HS6ST3: variants seen among roughly 807,000 people sequenced by gnomAD.
HS6ST3 encodes heparan sulfate 6-O-sulfotransferase 3.
HS6ST3 carries 12 observed loss-of-function variants against 36.7 expected under a neutral mutation model. The observed-to-expected ratio is 0.33, with a 90% CI of 0.21 to 0.53. The LOEUF (loss-of-function observed/expected upper bound fraction) is 0.53, where lower values mean the gene tolerates loss of function less well. HS6ST3 is among the 20% of genes least tolerant of loss of function. HS6ST3 has a pLI of 0.95. For missense variants in HS6ST3, 584 were observed against 640.9 expected (o/e 0.91, Z 0.96); for synonymous variants, 240 against 257.5 (o/e 0.93, Z 0.65).
chr13:96,367,955 A>G (rs1440596089), intron 1 of HS6ST3, among the ~76,000 whole-genome samples: 2 of 152,100 alleles, frequency 1.3e-5, no homozygotes, highest in African/African-American at 4.8e-5. Context: ...TCATTTCATG[A>G]TGTTTATGGT....
intron 1 of HS6ST3, among the ~76,000 whole-genome samples, chr13:96,608,781 A>G (rs1043366034): frequency 1.4e-4 from 22 of 152,258 alleles, no homozygotes; most frequent in African/African-American, 5.3e-4. Flanking sequence ...TATTATAAAA[A>G]TGAGGAGAAT....
chr13:96,491,853 G>A (rs1282747288), intron 1 of HS6ST3, among the ~76,000 whole-genome samples: 1 of 151,954 alleles, frequency 6.6e-6, no homozygotes. Context: ...GATGTGCCTC[G>A]AAGATCTCCC....
At chr13:96,306,861 T>C (rs1021105467) in intron 1 of HS6ST3, among the ~76,000 whole-genome samples, 18 of 152,208 alleles carry the variant, frequency 1.2e-4, no homozygotes, top group African/African-American at 4.1e-4. Flanking sequence ...AGCTGGACTT[T>C]AATAAATAAT....
chr13:96,273,613 C>G (rs2054731805), intron 1 of HS6ST3, among the ~76,000 whole-genome samples: 1 of 150,554 alleles, frequency 6.6e-6, no homozygotes, highest in Non-Finnish European at 1.5e-5. Flanking sequence ...TGCATAACCT[C>G]TTTAGACTGA....
intron 1 of HS6ST3, 91 bp from the exon 2 acceptor site, chr13:96,832,399 C>A: frequency 1.1e-6 from 1 of 939,220 alleles, no homozygotes; most frequent in Non-Finnish European, 1.6e-6. Flanking sequence ...CAAAGAGTCC[C>A]TTGACTCAAT....
intron 1 of HS6ST3, among the ~76,000 whole-genome samples, chr13:96,513,525 G>C (rs1406673076): frequency 6.6e-6 from 1 of 152,000 alleles, no homozygotes; most frequent in African/African-American, 2.4e-5. Flanking sequence ...GTTTTTATAA[G>C]TTTGTATTTA....
intron 1 of HS6ST3, among the ~76,000 whole-genome samples, chr13:96,295,646 G>T (rs1336364690): frequency 2.0e-5 from 3 of 152,056 alleles, no homozygotes; most frequent in African/African-American, 7.2e-5. Context: ...GCTCCCGTGT[G>T]TCTTATTAAA....
intron 1 of HS6ST3, among the ~76,000 whole-genome samples, chr13:96,425,415 G>A (rs1165475779): frequency 6.6e-6 from 1 of 152,018 alleles, no homozygotes; most frequent in East Asian, 1.9e-4. Context: ...GCTTTTCAAA[G>A]ATAAAATGTT....
chr13:96,559,558 A>G (rs2056254291), intron 1 of HS6ST3, among the ~76,000 whole-genome samples: 1 of 152,194 alleles, frequency 6.6e-6, no homozygotes, highest in Non-Finnish European at 1.5e-5. Flanking sequence ...AGATATGTGT[A>G]GATTATATCT....
chr13:96,455,220 G>T (rs11069241), intron 1 of HS6ST3, among the ~76,000 whole-genome samples: 47,999 of 151,910 alleles, frequency 0.32, 9,373 homozygotes, highest in Non-Finnish European at 0.44. Flanking sequence ...CACTACAAGG[G>T]GTTGTTGTTG....
intron 1 of HS6ST3, among the ~76,000 whole-genome samples, chr13:96,405,407 G>C (rs1316963732): frequency 6.6e-6 from 1 of 152,066 alleles, no homozygotes; most frequent in African/African-American, 2.4e-5. Context: ...GTATTACCAT[G>C]TTTGGTCATG....
intron 1 of HS6ST3, among the ~76,000 whole-genome samples, chr13:96,249,553 A>G (rs2054598532): frequency 2.6e-5 from 4 of 152,182 alleles, no homozygotes; most frequent in Admixed American, 6.6e-5. Context: ...AGGACAGGGT[A>G]GTTTGCTAGT....
intron 1 of HS6ST3, among the ~76,000 whole-genome samples, chr13:96,190,801 G>T (rs1223968855): frequency 6.6e-6 from 1 of 152,172 alleles, no homozygotes; most frequent in Non-Finnish European, 1.5e-5. Flanking sequence ...GACCTGAATG[G>T]AAAGGAGAAA....
At chr13:96,602,059 G>A (rs993909912) in intron 1 of HS6ST3, among the ~76,000 whole-genome samples, 8 of 152,068 alleles carry the variant, frequency 5.3e-5, no homozygotes, top group East Asian at 1.9e-4. Context: ...TTTAAACTGC[G>A]TTAAACAGGT....
intron 1 of HS6ST3, among the ~76,000 whole-genome samples, chr13:96,498,441 C>T (rs2055987970): frequency 6.6e-6 from 1 of 152,170 alleles, no homozygotes; most frequent in South Asian, 2.1e-4. Flanking sequence ...GCACTCACCT[C>T]TGGGCCTCTT....
chr13:96,690,429 C>T (rs868560647), intron 1 of HS6ST3, among the ~76,000 whole-genome samples: 1 of 152,080 alleles, frequency 6.6e-6, no homozygotes, highest in Non-Finnish European at 1.5e-5. Flanking sequence ...GCATGACTCT[C>T]TTCTGATTTG....
chr13:96,827,590 T>C (rs1878676811), intron 1 of HS6ST3, among the ~76,000 whole-genome samples: 1 of 152,170 alleles, frequency 6.6e-6, no homozygotes. Context: ...CATCAATAAA[T>C]ATATTCCACT....
chr13:96,549,078 T>C (rs1293688909), intron 1 of HS6ST3, among the ~76,000 whole-genome samples: 5 of 152,224 alleles, frequency 3.3e-5, no homozygotes, highest in Non-Finnish European at 7.3e-5. Flanking sequence ...CCATTCCTCA[T>C]ACGGTGCAGT....
intron 1 of HS6ST3, among the ~76,000 whole-genome samples, chr13:96,335,535 G>C (rs2055096245): frequency 6.6e-6 from 1 of 152,172 alleles, no homozygotes; most frequent in South Asian, 2.1e-4. Flanking sequence ...CTGTAAATAG[G>C]ACTCTACTTA....
Sources: allele counts gnomAD v4.1 joint callset (sites outside exome capture counted in the v4.1 genomes callset), GRCh38; gene constraint gnomAD v4.1.1; transcripts MANE v1.5; gene names NCBI Gene and HGNC (gene_info 2026-07-23, HGNC 2026-07-21).